Variants in MAGI2 observed in about 807,000 individuals in gnomAD.
MAGI2 encodes membrane associated guanylate kinase, WW and PDZ domain containing 2, also known as membrane-associated guanylate kinase, WW and PDZ domain-containing protein 2.
MAGI2 carries 35 observed loss-of-function variants against 133.3 expected under a neutral mutation model. The observed-to-expected ratio is 0.26, with a 90% confidence interval of 0.20 to 0.35. The LOEUF (loss-of-function observed/expected upper bound fraction) is 0.35. MAGI2 is among the 10% of genes least tolerant of loss of function. The pLI is 1.00. For missense variants in MAGI2, 1,636 were observed against 1,863.4 expected (o/e 0.88, Z 2.25); for synonymous variants, 729 against 710.6 (o/e 1.03, Z -0.41).
chr7:78,921,045 T>A (rs1799184110), intron 2 of MAGI2, among the ~76,000 whole-genome samples: 1 of 152,134 alleles, frequency 6.6e-6, no homozygotes, highest in Non-Finnish European at 1.5e-5. Flanking sequence ...AACAGGCTGA[T>A]TGTCTATTCT....
intron 2 of MAGI2, among the ~76,000 whole-genome samples, chr7:78,756,810 T>C (rs1315042650): frequency 1.3e-5 from 2 of 152,162 alleles, no homozygotes; most frequent in Non-Finnish European, 2.9e-5. Flanking sequence ...GTGCAGTCAC[T>C]TTAACGTATT....
At chr7:78,754,100 T>A (rs1207877) in intron 2 of MAGI2, among the ~76,000 whole-genome samples, 151,526 of 152,074 alleles carry the variant, frequency 1, 75,491 homozygotes, top group East Asian at 1. Context: ...CATATATATA[T>A]AAATATTAAA....
intron 1 of MAGI2, among the ~76,000 whole-genome samples, chr7:79,301,250 G>C (rs1837375942): frequency 6.6e-6 from 1 of 152,208 alleles, no homozygotes; most frequent in Non-Finnish European, 1.5e-5. Context: ...TGGCAGCCTG[G>C]GCTCTGCACC....
At chr7:78,857,265 C>T (rs1793736926) in intron 2 of MAGI2, among the ~76,000 whole-genome samples, 1 of 152,036 alleles carries the variant, frequency 6.6e-6, no homozygotes, top group East Asian at 1.9e-4. Context: ...ATCTGATTGC[C>T]CTGGCCATAA....
intron 2 of MAGI2, among the ~76,000 whole-genome samples, chr7:78,817,950 G>A (rs1789752385): frequency 1.3e-5 from 2 of 151,746 alleles, no homozygotes; most frequent in Non-Finnish European, 2.9e-5. Flanking sequence ...ATACATATTG[G>A]GAAACCAAAA....
intron 10 of MAGI2, chr7:78,255,606 C>A: frequency 2.0e-6 from 1 of 494,274 alleles, no homozygotes; most frequent in Non-Finnish European, 3.5e-6. Flanking sequence ...CAATGGGAAA[C>A]CAGTTTGAGT....
chr7:79,441,554 T>G (rs1002979267), intron 1 of MAGI2, among the ~76,000 whole-genome samples: 4 of 152,134 alleles, frequency 2.6e-5, no homozygotes, highest in Admixed American at 1.3e-4. Flanking sequence ...ATATATGTAT[T>G]TTGCACATTC....
chr7:78,883,467 G>A (rs971668241), intron 2 of MAGI2, among the ~76,000 whole-genome samples: 1 of 152,132 alleles, frequency 6.6e-6, no homozygotes, highest in African/African-American at 2.4e-5. Context: ...CAGATTCAAT[G>A]CTATTCCTTT....
At chr7:78,959,640 A>G (rs1802682450) in intron 2 of MAGI2, among the ~76,000 whole-genome samples, 1 of 152,136 alleles carries the variant, frequency 6.6e-6, no homozygotes, top group African/African-American at 2.4e-5. Flanking sequence ...TCATTGATGT[A>G]TGTTTCATTA....
chr7:79,360,299 T>G (rs1300514273), intron 1 of MAGI2, among the ~76,000 whole-genome samples: 1 of 152,132 alleles, frequency 6.6e-6, no homozygotes. Flanking sequence ...AAGGTTATCT[T>G]GGGGTAAACA....
chr7:79,271,874 A>T (rs959835612), intron 1 of MAGI2, among the ~76,000 whole-genome samples: 3 of 151,580 alleles, frequency 2.0e-5, no homozygotes, highest in Middle Eastern at 3.4e-3. Flanking sequence ...CCCCTCACAA[A>T]CTCTCCCCAC....
chr7:78,107,272 T>G (rs1324787700), intron 20 of MAGI2, among the ~76,000 whole-genome samples: 1 of 152,182 alleles, frequency 6.6e-6, no homozygotes, highest in African/African-American at 2.4e-5. Context: ...TAGTATAATT[T>G]GAATAATGTG....
At chr7:79,191,992 C>T (rs939762538) in intron 1 of MAGI2, among the ~76,000 whole-genome samples, 2 of 151,756 alleles carry the variant, frequency 1.3e-5, no homozygotes, top group African/African-American at 2.4e-5. Flanking sequence ...AATGCATTTT[C>T]AGTCCTATGG....
At chr7:79,361,228 C>A (rs1842356978) in intron 1 of MAGI2, among the ~76,000 whole-genome samples, 1 of 152,056 alleles carries the variant, frequency 6.6e-6, no homozygotes, top group Non-Finnish European at 1.5e-5. Flanking sequence ...GAAACTGATA[C>A]AGCTGAAAAG....
intron 2 of MAGI2, among the ~76,000 whole-genome samples, chr7:78,765,247 G>C (rs776454776): frequency 6.0e-5 from 9 of 151,236 alleles, no homozygotes; most frequent in Non-Finnish European, 1.0e-4. Flanking sequence ...GCTCTTTGTT[G>C]AGCCAGGCTA....
intron 20 of MAGI2, among the ~76,000 whole-genome samples, chr7:78,108,316 T>C (rs1490716640): frequency 1.3e-5 from 2 of 152,360 alleles, no homozygotes; most frequent in South Asian, 2.1e-4. Flanking sequence ...TCCAGTTTTA[T>C]TCTACTGTGG....
chr7:79,186,824 C>T (rs1827217690), intron 1 of MAGI2, among the ~76,000 whole-genome samples: 1 of 136,202 alleles, frequency 7.3e-6, no homozygotes, highest in African/African-American at 3.1e-5. Flanking sequence ...ATACCAGAAT[C>T]CCTAAAATGT....
chr7:78,581,444 C>A (rs966891563), intron 3 of MAGI2, among the ~76,000 whole-genome samples: 1 of 152,156 alleles, frequency 6.6e-6, no homozygotes, highest in Non-Finnish European at 1.5e-5. Context: ...TACAGATATG[C>A]ATAGCAGTAT....
chr7:78,131,571 A>T (rs1315908866), intron 18 of MAGI2, among the ~76,000 whole-genome samples: 1 of 152,164 alleles, frequency 6.6e-6, no homozygotes, highest in Non-Finnish European at 1.5e-5. Flanking sequence ...TGAGGGGTTT[A>T]TATGCAGAGG....
Sources: allele counts gnomAD v4.1 joint callset (sites outside exome capture counted in the v4.1 genomes callset), GRCh38; gene constraint gnomAD v4.1.1; transcripts MANE v1.5; gene names NCBI Gene and HGNC (gene_info 2026-07-23, HGNC 2026-07-21).